GRB10: variants seen among roughly 807,000 people sequenced by gnomAD.
GRB10 encodes growth factor receptor bound protein 10, also known as growth factor receptor-bound protein 10.
GRB10 carries 20 observed loss-of-function variants against 80.9 expected under a neutral mutation model. The ratio of observed to expected loss-of-function variants is 0.25; its 90% CI spans 0.17 to 0.36. GRB10 has a LOEUF of 0.36. GRB10 is among the 10% of genes least tolerant of loss of function. The probability of loss-of-function intolerance (pLI) is 1.00; values close to 1 mark genes in which losing one functional copy is unlikely to be tolerated. For synonymous variants in GRB10, 291 were observed against 291.5 expected (o/e 1.00, Z 0.02); for missense variants, 548 against 747.7 (o/e 0.73, Z 3.12).
rs765428872 is a variant in GRB10, at chr7:50,732,302, T to C, written c.21A>G (p.Pro7=). MALAGC[P]DSFLHHPYYQ... is the part of the protein sequence containing the mutation. ...AGTACGGATGGTGCAAAAAGGAATC[T>C]GGGCAGCCGGCTAAAGCCATGGGTT... The change falls in exon 4 of 19, where the codon CCA becomes CCG. Residue 7 remains proline (P), a synonymous_variant. Transcript: ENST00000401949. 59 of 1,613,812 alleles carry C rather than the reference T, an allele frequency of 3.7e-5. No homozygotes were observed. Among genetic ancestry groups the C allele is most frequent in the Non-Finnish European group, 4.5e-5 (53 of 1,179,962 alleles).
At chr7:50,753,104 A>G (rs2074422644) in intron 3 of GRB10, among the ~76,000 whole-genome samples, 1 of 152,206 alleles carries the variant, frequency 6.6e-6, no homozygotes, top group South Asian at 2.1e-4. Flanking sequence ...CCCCAAGTCT[A>G]GTGCCATGGC....
At chr7:50,726,291 G>C (rs1028904112) in intron 4 of GRB10, among the ~76,000 whole-genome samples, 1 of 152,094 alleles carries the variant, frequency 6.6e-6, no homozygotes, top group Non-Finnish European at 1.5e-5. Flanking sequence ...CCAGGTACTC[G>C]GGAGGCTGAG....
chr7:50,612,614 A>G, intron 13 of GRB10, 127 bp downstream of exon 13: 1 of 720,146 alleles, frequency 1.4e-6, no homozygotes. Context: ...ACATTTGATA[A>G]ATAAAATATT....
intron 2 of GRB10, among the ~76,000 whole-genome samples, chr7:50,763,992 C>T (rs1019014054): frequency 6.6e-6 from 1 of 152,268 alleles, no homozygotes; most frequent in Admixed American, 6.5e-5. Flanking sequence ...CCTCTCCAGG[C>T]TGCCCAGACA....
chr7:50,736,121 A>G (rs1229965665), intron 3 of GRB10, among the ~76,000 whole-genome samples: 1 of 152,154 alleles, frequency 6.6e-6, no homozygotes, highest in East Asian at 1.9e-4. Context: ...CCTCACCTCT[A>G]CTAAAACTAC....
intron 4 of GRB10, among the ~76,000 whole-genome samples, chr7:50,731,275 C>T (rs770017850): frequency 2.2e-4 from 34 of 151,764 alleles, no homozygotes; most frequent in Non-Finnish European, 4.0e-4. Flanking sequence ...TAATCTTCAG[C>T]CTTTCTTCGA....
intron 17 of GRB10, among the ~76,000 whole-genome samples, chr7:50,597,353 C>G (rs1313981815): frequency 6.6e-6 from 1 of 152,238 alleles, no homozygotes; most frequent in African/African-American, 2.4e-5. Context: ...CACTGGGGAA[C>G]ACGCGGCACC....
In GRB10 at chr7:50,658,247, T is replaced by C. The variant is rs1243782172; in HGVS notation, c.504+11475A>G. Among the ~76,000 whole-genome samples the C allele has an allele frequency of 3.9e-5, 6 of 152,204 alleles. No individual in the cohort carries two copies. In the East Asian group the frequency reaches 1.2e-3, roughly 29 times the overall value. ...GCTTCTCCAGTGGGTGAACTGTGGA[T>C]TCCTACTCAAAACCAAACACAAACC... On this transcript the variant is annotated intron_variant, in intron 7 of 18. Transcript: ENST00000401949.
chr7:50,593,844 C>A (rs921484783), intron 18 of GRB10, among the ~76,000 whole-genome samples: 4 of 152,188 alleles, frequency 2.6e-5, no homozygotes, highest in Non-Finnish European at 2.9e-5. Context: ...ATTGCTAGAG[C>A]TAACAGCACA....
intron 4 of GRB10, among the ~76,000 whole-genome samples, chr7:50,714,974 CAAT>C (rs1232308116): frequency 1.3e-5 from 2 of 152,024 alleles, no homozygotes; most frequent in Admixed American, 1.3e-4. Context: ...ACTTTCTCAA[CAAT>C]AATCTCAGAA....
At chr7:50,617,829 G>A (rs1250163534) in intron 10 of GRB10, 2 of 582,756 alleles carry the variant, frequency 3.4e-6, no homozygotes, top group African/African-American at 3.7e-5. Context: ...GTCAGAGCAA[G>A]GGCATCGTGT....
At chr7:50,608,652 A>G (rs535363043) in intron 13 of GRB10, among the ~76,000 whole-genome samples, 2 of 152,336 alleles carry the variant, frequency 1.3e-5, no homozygotes, top group South Asian at 2.1e-4. Context: ...CTACATTATA[A>G]AAGATTTTAA....
chr7:50,651,124 G>A (rs770380365), intron 7 of GRB10, among the ~76,000 whole-genome samples: 1 of 151,994 alleles, frequency 6.6e-6, no homozygotes, highest in Admixed American at 6.6e-5. Flanking sequence ...TTCCTCCTAC[G>A]GTCTGATTTT....
rs180955798 is a variant in GRB10 at position 50,717,279 on chromosome 7, C to T, written c.52-13371G>A. 5.9e-5 allele frequency among the ~76,000 whole-genome samples: 9 copies of T among 152,316 alleles called. No homozygotes were observed. The East Asian group carries it at 9.6e-4, about 16-fold the overall frequency. On this transcript the variant is annotated intron_variant, in intron 4 of 18. Coordinates refer to ENST00000401949, the MANE Select transcript of GRB10 (RefSeq NM_001350814.2). ...CCACTCAGAGGTGAACCTACTCTTA[C>T]GTACTTGAAAAGCAGTTATAAGCAC...
At chr7:50,718,561 T>C (rs1007794823) in intron 4 of GRB10, among the ~76,000 whole-genome samples, 3 of 152,174 alleles carry the variant, frequency 2.0e-5, no homozygotes, top group African/African-American at 7.2e-5. Flanking sequence ...TCCCAGAGTA[T>C]AGAACTCAGG....
intron 16 of GRB10, 73 bp from the exon 17 acceptor site, chr7:50,604,158 A>G: frequency 2.2e-6 from 3 of 1,353,628 alleles, no homozygotes; most frequent in African/African-American, 1.4e-5. Context: ...AGCACAACCA[A>G]CTCTGATCAA....
intron 4 of GRB10, chr7:50,726,877 T>C (rs1050111051): frequency 1.6e-4 from 24 of 152,172 alleles, no homozygotes; most frequent in Admixed American, 1.3e-4. Context: ...CTCACCAACA[T>C]TAAACATAAA....
chr7:50,648,433 A>C (rs1177364019), intron 7 of GRB10, among the ~76,000 whole-genome samples: 3 of 152,252 alleles, frequency 2.0e-5, no homozygotes, highest in Admixed American at 6.5e-5. Flanking sequence ...AAGGAGCATT[A>C]GGAAACCAAG....
intron 7 of GRB10, among the ~76,000 whole-genome samples, chr7:50,643,917 G>T (rs2153610278): frequency 6.6e-6 from 1 of 152,282 alleles, no homozygotes; most frequent in South Asian, 2.1e-4. Flanking sequence ...CTATACATTT[G>T]AAATTTTTTC....
Sources: gnomAD v4.1 joint callset for allele counts (sites outside exome capture counted in the v4.1 genomes callset) on GRCh38, gnomAD v4.1.1 for gene constraint, MANE v1.5 for transcripts, NCBI Gene and HGNC (gene_info 2026-07-23, HGNC 2026-07-21) for gene names.